Variants in WDR7 observed in about 807,000 individuals in gnomAD.
WDR7 encodes WD repeat domain 7.
A neutral mutation model predicts 169.4 loss-of-function variants in WDR7; 46 were observed. That is an observed-to-expected ratio of 0.27 (90% CI 0.21 to 0.35). The LOEUF (loss-of-function observed/expected upper bound fraction) is 0.35, where lower values mean the gene tolerates loss of function less well. Ranked by LOEUF, WDR7 falls within the 10% of genes least tolerant of loss-of-function variation. The probability of loss-of-function intolerance (pLI) is 1.00; values close to 1 mark genes in which losing one functional copy is unlikely to be tolerated. For synonymous variants in WDR7, 612 were observed against 666.8 expected (o/e 0.92, Z 1.27); for missense variants, 1,534 against 1,859.3 (o/e 0.83, Z 3.22).
intron 22 of WDR7, among the ~76,000 whole-genome samples, chr18:56,932,879 G>C (rs1275776310): frequency 9.1e-6 from 1 of 109,664 alleles, no homozygotes; most frequent in Non-Finnish European, 1.7e-5. Flanking sequence ...TTCTGGGTGT[G>C]TGTGTGTGTG....
intron 13 of WDR7, among the ~76,000 whole-genome samples, chr18:56,730,568 C>T (rs2026561646): frequency 1.3e-5 from 2 of 152,086 alleles, no homozygotes; most frequent in Admixed American, 1.3e-4. Flanking sequence ...AGATCGAGAC[C>T]ATCCTGGCTA....
chr18:56,979,789 C>T (rs1421308333), intron 26 of WDR7, among the ~76,000 whole-genome samples: 1 of 152,136 alleles, frequency 6.6e-6, no homozygotes, highest in East Asian at 1.9e-4. Context: ...CTAATGCCTC[C>T]TCTATGGAGA....
intron 13 of WDR7, among the ~76,000 whole-genome samples, chr18:56,721,996 T>C (rs1335785826): frequency 6.6e-6 from 1 of 152,228 alleles, no homozygotes; most frequent in African/African-American, 2.4e-5. Context: ...TTTCTTTTTA[T>C]GTTCTGCACT....
chr18:56,875,605 C>G (rs2046011934), intron 20 of WDR7, among the ~76,000 whole-genome samples: 1 of 152,134 alleles, frequency 6.6e-6, no homozygotes, highest in South Asian at 2.1e-4. Context: ...AGAGTTCCAG[C>G]CAACTTAGCT....
At chr18:57,003,567 A>T (rs2048013078) in intron 26 of WDR7, among the ~76,000 whole-genome samples, 1 of 152,104 alleles carries the variant, frequency 6.6e-6, no homozygotes, top group Non-Finnish European at 1.5e-5. Context: ...CAGGTTTTTG[A>T]TCTCCATAAA....
intron 21 of WDR7, among the ~76,000 whole-genome samples, chr18:56,888,588 T>C (rs1288075391): frequency 2.0e-5 from 3 of 152,248 alleles, no homozygotes; most frequent in African/African-American, 7.2e-5. Flanking sequence ...GAGATCCTTC[T>C]GCATTTTTAT....
intron 27 of WDR7, among the ~76,000 whole-genome samples, chr18:57,022,845 G>A (rs2048310198): frequency 1.3e-5 from 2 of 152,194 alleles, no homozygotes; most frequent in South Asian, 4.1e-4. Context: ...GCCTCCTGCT[G>A]TTGACTCTGG....
At chr18:56,898,081 G>T (rs2046353212) in intron 21 of WDR7, among the ~76,000 whole-genome samples, 1 of 151,932 alleles carries the variant, frequency 6.6e-6, no homozygotes, top group Non-Finnish European at 1.5e-5. Context: ...TAGAACATCT[G>T]TCTGTGATGT....
rs1446835558 is a variant in WDR7 at position 56,695,205 on chromosome 18, T to C, written c.1357+7T>C. 1.2e-6 allele frequency: 2 copies of C among 1,612,470 alleles called. No individual in the cohort carries two copies. Among genetic ancestry groups the C allele is most frequent in the East Asian group, 2.2e-5 (1 of 44,806 alleles). ...GAACACATGCTCAGAAGAGGTATACTGAAGAGCTCCGTATGTCTAAAGTGT... is the reference window on the plus strand; with the variant it reads ...GAACACATGCTCAGAAGAGGTATACCGAAGAGCTCCGTATGTCTAAAGTGT... On this transcript the variant is annotated splice_region_variant and intron_variant, in intron 11 of 27. Transcript: ENST00000254442.
chr18:56,709,000 A>G (rs2026024698), intron 12 of WDR7, among the ~76,000 whole-genome samples: 1 of 152,074 alleles, frequency 6.6e-6, no homozygotes, highest in African/African-American at 2.4e-5. Context: ...AGATTTAACC[A>G]TCTCAGTCTC....
At chr18:56,716,974 T>G (rs1402843487) in intron 12 of WDR7, among the ~76,000 whole-genome samples, 4 of 152,328 alleles carry the variant, frequency 2.6e-5, no homozygotes, top group Non-Finnish European at 5.9e-5. Context: ...AAACAACCTG[T>G]TTGCTTAGGA....
chr18:56,858,381 TG>T (rs2045754135), intron 20 of WDR7, among the ~76,000 whole-genome samples: 1 of 152,196 alleles, frequency 6.6e-6, no homozygotes, highest in Non-Finnish European at 1.5e-5. Flanking sequence ...AAAATTTCCG[TG>T]GCTTGTCATT....
intron 1 of WDR7, among the ~76,000 whole-genome samples, chr18:56,668,024 A>G (rs1288436958): frequency 1.3e-5 from 2 of 152,110 alleles, no homozygotes; most frequent in African/African-American, 2.4e-5. Context: ...AAGCACCACC[A>G]TTTCTCTTCT....
intron 1 of WDR7, among the ~76,000 whole-genome samples, chr18:56,656,020 G>T (rs1381220298): frequency 6.6e-6 from 1 of 152,046 alleles, no homozygotes; most frequent in Non-Finnish European, 1.5e-5. Context: ...TTAATTTTTG[G>T]CTGTTACAGA....
intron 25 of WDR7, among the ~76,000 whole-genome samples, chr18:56,958,224 G>T (rs1225590439): frequency 6.6e-6 from 1 of 152,060 alleles, no homozygotes; most frequent in Non-Finnish European, 1.5e-5. Context: ...TCCCTCTCCG[G>T]GGTTTTGTAC....
chr18:56,666,268 A>G (rs983003206), intron 1 of WDR7, among the ~76,000 whole-genome samples: 3 of 132,572 alleles, frequency 2.3e-5, no homozygotes, highest in African/African-American at 8.2e-5. Flanking sequence ...CAACGGCACA[A>G]TCTTGGCTCA....
At chr18:56,993,852 A>G (rs2047854597) in intron 26 of WDR7, among the ~76,000 whole-genome samples, 1 of 152,172 alleles carries the variant, frequency 6.6e-6, no homozygotes, top group African/African-American at 2.4e-5. Flanking sequence ...GCAGAAATCA[A>G]ACAGATAAAT....
chr18:57,004,657 G>A (rs116616035), intron 26 of WDR7, among the ~76,000 whole-genome samples: 394 of 152,178 alleles, frequency 2.6e-3, no homozygotes, highest in African/African-American at 9.2e-3. Context: ...CATTGCATAC[G>A]GAATAGCCAG....
intron 26 of WDR7, among the ~76,000 whole-genome samples, chr18:57,000,141 G>A (rs1188819248): frequency 4.6e-5 from 7 of 152,136 alleles, no homozygotes; most frequent in Admixed American, 4.6e-4. Context: ...GAGAATGTCA[G>A]TAAACCAAAA....
Sources: allele counts gnomAD v4.1 joint callset (sites outside exome capture counted in the v4.1 genomes callset), GRCh38; gene constraint gnomAD v4.1.1; transcripts MANE v1.5; gene names NCBI Gene and HGNC (gene_info 2026-07-23, HGNC 2026-07-21).